GPM6B: variants seen among roughly 807,000 people sequenced by gnomAD.
The protein encoded by GPM6B is glycoprotein M6B.
GPM6B carries 4 observed loss-of-function variants against 27.2 expected under a neutral mutation model. The observed-to-expected ratio is 0.15, with a 90% confidence interval of 0.07 to 0.34. GPM6B has a LOEUF of 0.34. Among genes scored for constraint, GPM6B ranks in the 10% least tolerant of loss-of-function variants. GPM6B has a pLI of 1.00. For missense variants in GPM6B, 183 were observed against 261.9 expected (o/e 0.70, Z 2.08); for synonymous variants, 124 against 103.1 (o/e 1.20, Z -1.23).
In GPM6B at chrX:13,915,845, G is replaced by GTA. The variant is rs1214869039; in HGVS notation, c.-198+22480_-198+22481dup. Among the ~76,000 whole-genome samples, 5 of 112,197 alleles carry GTA rather than the reference G, an allele frequency of 4.5e-5. 1 individual carries two copies. In the Admixed American group the frequency reaches 4.7e-4, roughly 11 times the overall value. The stretch of plus-strand genomic sequence containing the variant: ...ATATATGTATTACGTATATGTGTGT[G>GTA]TATATATCCCTTCATTTCTTGACTG... On this transcript the variant is annotated intron_variant, in intron 1 of 6. Coordinates refer to the GPM6B transcript ENST00000398361.
At chrX:13,773,065 CA>C in intron 7 of GPM6B, 35 bp from the exon 8 acceptor site, 3 of 1,181,682 alleles carry the variant, frequency 2.5e-6, no homozygotes, top group Non-Finnish European at 3.4e-6. Flanking sequence ...GGCTAGTGAG[CA>C]TTGTGAGAAG....
At chrX:13,842,723 T>A (rs919023260) in intron 1 of GPM6B, among the ~76,000 whole-genome samples, 4 of 109,983 alleles carry the variant, frequency 3.6e-5, no homozygotes, top group African/African-American at 1.3e-4. Context: ...CTACAAAAAA[T>A]TTTTTAAAAG....
chrX:13,825,265 G>A (rs193014191), intron 1 of GPM6B, among the ~76,000 whole-genome samples: 1 of 112,287 alleles, frequency 8.9e-6, no homozygotes, highest in African/African-American at 3.2e-5. Flanking sequence ...ATCAAGTTTG[G>A]AAGCCATGTG....
At chrX:13,884,369 T>C (rs1032407608) in intron 1 of GPM6B, among the ~76,000 whole-genome samples, 2 of 111,790 alleles carry the variant, frequency 1.8e-5, no homozygotes, top group African/African-American at 6.5e-5. Context: ...CAGAAATATA[T>C]ACTTTCTCAG....
rs193076445 is a variant in GPM6B at position 13,918,706 on chromosome X, G to A, written c.-198+19621C>T. On this transcript the variant is annotated intron_variant, in intron 1 of 6. Coordinates refer to the GPM6B transcript ENST00000398361. The stretch of plus-strand genomic sequence containing the variant: ...TCTGCTTGGCTTCTGGGGAGGCCTC[G>A]GGAAACTTACAATCACGGCAGAAGA... Among the ~76,000 whole-genome samples, 4 of 111,376 alleles carry A rather than the reference G, an allele frequency of 3.6e-5. No individual in the cohort carries two copies. The East Asian group carries it at 8.5e-4, about 24-fold the overall frequency.
chrX:13,773,836 C>T (rs1425547459), intron 7 of GPM6B: 1 of 260,457 alleles, frequency 3.8e-6, no homozygotes, highest in Non-Finnish European at 5.2e-6. Flanking sequence ...TGAGAACTAG[C>T]TATGAGGAAA....
chrX:13,844,831 T>G (rs2049624372), intron 1 of GPM6B, among the ~76,000 whole-genome samples: 2 of 112,101 alleles, frequency 1.8e-5, no homozygotes, highest in Admixed American at 1.9e-4. Context: ...CCACTGACTA[T>G]GCTCTAAACA....
intron 1 of GPM6B, among the ~76,000 whole-genome samples, chrX:13,921,320 A>T (rs1163548417): frequency 8.9e-6 from 1 of 112,260 alleles, no homozygotes; most frequent in Non-Finnish European, 1.9e-5. Context: ...CCCAAATCCC[A>T]AACCTTCCTA....
intron 1 of GPM6B, among the ~76,000 whole-genome samples, chrX:13,922,588 G>A (rs1737705709): frequency 8.9e-6 from 1 of 112,083 alleles, no homozygotes; most frequent in African/African-American, 3.2e-5. Context: ...CCCACTCTAC[G>A]TCACAGCTAC....
chrX:13,900,894 G>A (rs970283650), intron 1 of GPM6B, among the ~76,000 whole-genome samples: 3 of 111,626 alleles, frequency 2.7e-5, no homozygotes, highest in African/African-American at 9.8e-5. Context: ...TTTCCATAGA[G>A]TTCAAGTATT....
intron 1 of GPM6B, among the ~76,000 whole-genome samples, chrX:13,928,408 T>C (rs1171281380): frequency 3.6e-5 from 4 of 112,550 alleles, no homozygotes; most frequent in Non-Finnish European, 5.6e-5. Context: ...TGTGACATCA[T>C]ATAATAGAGC....
chrX:13,778,112 C>T (rs1338912780), intron 5 of GPM6B, among the ~76,000 whole-genome samples: 1 of 104,211 alleles, frequency 9.6e-6, no homozygotes, highest in African/African-American at 3.6e-5. Context: ...TGGAGTGCTG[C>T]AATATTGGCT....
chrX:13,796,634 A>G (rs1383653869), intron 2 of GPM6B, among the ~76,000 whole-genome samples: 1 of 112,392 alleles, frequency 8.9e-6, no homozygotes, highest in Admixed American at 9.4e-5. Context: ...CTACATAACG[A>G]TAAGAATGTG....
At chrX:13,848,606 C>T (rs1367421412) in intron 1 of GPM6B, among the ~76,000 whole-genome samples, 1 of 112,167 alleles carries the variant, frequency 8.9e-6, no homozygotes, top group Non-Finnish European at 1.9e-5. Flanking sequence ...AAGACAATAA[C>T]AAGTGTTAGT....
chrX:13,774,257 A>ACTG, intron 7 of GPM6B: 1 of 821,672 alleles, frequency 1.2e-6, no homozygotes, highest in Non-Finnish European at 1.5e-6. Flanking sequence ...ATTTAAAGAT[A>ACTG]CTGCTCTCTA....
rs2048323328 is a variant in GPM6B, at chrX:13,772,699, T to C, written c.*182A>G. The C allele has an allele frequency of 5.6e-6, 2 of 359,234 alleles. No homozygotes were observed. The highest frequency in any genetic ancestry group is 9.6e-6 in the Non-Finnish European group (2 of 208,586). 29.6% of individuals were successfully genotyped at this position (359,234 alleles called of 1,213,427 possible). ...AACATGAAACCTCCAATATTTGTTC[T>C]AAAGAAAAAGATTTACCCACTGGAA... On this transcript the variant is annotated 3_prime_UTR_variant, in exon 8 of 8. Transcript: ENST00000316715.
chrX:13,926,416 ACAAACAAAC>A (rs1921208010), intron 1 of GPM6B, among the ~76,000 whole-genome samples: 9 of 105,627 alleles, frequency 8.5e-5, no homozygotes, highest in Non-Finnish European at 9.7e-5. Context: ...TCTCAAAAAA[ACAAACAAAC>A]AAAAAAAAAA....
upstream of GPM6B, among the ~76,000 whole-genome samples, chrX:13,820,389 G>A (rs754263713): frequency 3.6e-5 from 4 of 110,859 alleles, no homozygotes; most frequent in South Asian, 1.6e-3. Context: ...GAACCAATAT[G>A]GGGAACCAAA....
chrX:13,892,120 C>T (rs1262493381), intron 1 of GPM6B, among the ~76,000 whole-genome samples: 2 of 111,904 alleles, frequency 1.8e-5, no homozygotes, highest in African/African-American at 3.2e-5. Flanking sequence ...TTTGAACCTC[C>T]TGTCCAGCAT....
Sources: gnomAD v4.1 joint callset for allele counts (sites outside exome capture counted in the v4.1 genomes callset) on GRCh38, gnomAD v4.1.1 for gene constraint, MANE v1.5 for transcripts, NCBI Gene and HGNC (gene_info 2026-07-23, HGNC 2026-07-21) for gene names.